Variants in NSD3 observed in about 807,000 individuals in gnomAD.
NSD3 encodes histone-lysine N-methyltransferase NSD3.
Under a neutral mutation model 160.8 loss-of-function variants are expected in NSD3, and 24 were observed. The ratio of observed to expected loss-of-function variants is 0.15; its 90% confidence interval spans 0.11 to 0.21. NSD3 has a LOEUF of 0.21. Ranked by LOEUF, NSD3 falls within the 10% of genes least tolerant of loss-of-function variation. The pLI is 1.00. For missense variants in NSD3, 1,157 were observed against 1,735.9 expected (o/e 0.67, Z 5.93); for synonymous variants, 520 against 600.0 (o/e 0.87, Z 1.95).
rs759593222 is a variant in NSD3, at chr8:38,318,782, C to A, written c.1855+113G>T. 6 of 1,017,730 alleles carry A rather than the reference C, an allele frequency of 5.9e-6. No homozygotes were observed. Among genetic ancestry groups the A allele is most frequent in the African/African-American group, 1.6e-5 (1 of 61,762 alleles). The allele number at this position is 1,017,730 out of a possible 1,614,324, so 63.0% of individuals were successfully genotyped here. ...CACTGGGGAATACTGCAATTTCACA[C>A]TGAAGAGCAACAACGATTTACAGAG... On this transcript the variant is annotated intron_variant, in intron 9 of 23. Coordinates refer to ENST00000317025, the MANE Select transcript of NSD3 (RefSeq NM_023034.2). The surrounding 1 kb of genome is among the most constrained non-coding windows in gnomAD (Gnocchi z 5.3).
At chr8:38,312,847 G>T (rs1039545262) in intron 12 of NSD3, among the ~76,000 whole-genome samples, 20 of 152,106 alleles carry the variant, frequency 1.3e-4, no homozygotes, top group Non-Finnish European at 7.4e-5. Context: ...AAATTACCCA[G>T]TCTCAGGTAT....
At position 38,312,312 on chromosome 8, in the gene NSD3, C is replaced by A. The variant is rs183424834; in HGVS notation, c.2242+2335G>T. Among the ~76,000 whole-genome samples the A allele has an allele frequency of 2.0e-5, 3 of 152,168 alleles. No homozygotes were observed. The East Asian group carries it at 5.8e-4, about 29-fold the overall frequency. Reference sequence around the variant, plus strand: ...ATCCCATACTTAACTGTTTTTAAAGCAAATTTCCCTCTTAAATTTTCTAAT... The same window carrying A: ...ATCCCATACTTAACTGTTTTTAAAGAAAATTTCCCTCTTAAATTTTCTAAT... On this transcript the variant is annotated intron_variant, in intron 12 of 23. Transcript: ENST00000317025.
chr8:38,352,492 A>G (rs1335693110), intron 1 of NSD3, among the ~76,000 whole-genome samples: 1 of 152,220 alleles, frequency 6.6e-6, no homozygotes, highest in Non-Finnish European at 1.5e-5. Context: ...GTTCATAGGT[A>G]AAAGAAAGTG....
rs1325635488 is a variant in NSD3 at position 38,288,497 on chromosome 8, C to T, written c.3491G>A (p.Ser1164Asn). 2 of 1,613,918 alleles carry T rather than the reference C, an allele frequency of 1.2e-6. No individual in the cohort carries two copies. The highest frequency in any genetic ancestry group is 2.7e-5 in the African/African-American group (2 of 75,034). ...ACCATCCCATGCTACCTTCTTAATG[C>T]TCCTTTTGGTCCTGAGGCCCCAGCC... is the stretch of plus-strand genomic sequence containing the variant. The part of the protein sequence containing the change: ...RRGWGLRTKR[S>N]IKKGEFVNEY... Residue 1164 changes from serine (S) to asparagine (N), a missense_variant, in exon 19 of 24, where the codon AGC becomes AAC. Coordinates refer to ENST00000317025, the MANE Select transcript of NSD3 (RefSeq NM_023034.2). This position sits in a 1 kb window ranked among gnomAD's most constrained non-coding sequence, Gnocchi z 4.5.
At chr8:38,347,424 A>C (rs1810562825) in intron 2 of NSD3, 73 bp downstream of exon 2, 21 of 1,491,778 alleles carry the variant, frequency 1.4e-5, no homozygotes, top group Non-Finnish European at 1.9e-5. Context: ...AGAGATAAAA[A>C]CCAAAAAGAT....
At chr8:38,380,295 T>A (rs1440493191) in intron 1 of NSD3, among the ~76,000 whole-genome samples, 2 of 152,208 alleles carry the variant, frequency 1.3e-5, no homozygotes, top group Non-Finnish European at 2.9e-5. Flanking sequence ...CATTTCTAAT[T>A]TTTCAACATT....
At chr8:38,314,890 C>A (rs977752659) in intron 11 of NSD3, 117 bp from the exon 12 acceptor site, 2 of 1,138,870 alleles carry the variant, frequency 1.8e-6, no homozygotes, top group African/African-American at 3.1e-5. Flanking sequence ...TTCAGTAGGT[C>A]TGGCGGGGGC....
intron 2 of NSD3, among the ~76,000 whole-genome samples, chr8:38,339,940 T>A (rs535837049): frequency 6.6e-6 from 1 of 152,290 alleles, no homozygotes; most frequent in African/African-American, 2.4e-5. Context: ...ACCAATATCT[T>A]CCAATTTTTT....
At chr8:38,275,957 C>A in intron 23 of NSD3, 75 bp from the exon 24 acceptor site, 1 of 1,317,010 alleles carries the variant, frequency 7.6e-7, no homozygotes. Flanking sequence ...ATGAAAAACC[C>A]AGGTTCCTTC....
chr8:38,298,019 T>G (rs562539974), intron 15 of NSD3, among the ~76,000 whole-genome samples: 1 of 152,078 alleles, frequency 6.6e-6, no homozygotes, highest in Non-Finnish European at 1.5e-5. Context: ...ATGATAAAGA[T>G]GCTTAAAATA....
intron 1 of NSD3, among the ~76,000 whole-genome samples, chr8:38,378,044 G>A (rs1247509367): frequency 6.6e-6 from 1 of 152,126 alleles, no homozygotes; most frequent in African/African-American, 2.4e-5. Flanking sequence ...GGACATACAA[G>A]AAACTTCAAG....
At chr8:38,354,977 A>G (rs1810788397) in intron 1 of NSD3, among the ~76,000 whole-genome samples, 1 of 152,166 alleles carries the variant, frequency 6.6e-6, no homozygotes, top group Non-Finnish European at 1.5e-5. Context: ...GTTCATAAAA[A>G]CAGATATTTT....
At chr8:38,286,702 T>C (rs1045629629) in intron 19 of NSD3, among the ~76,000 whole-genome samples, 1 of 152,194 alleles carries the variant, frequency 6.6e-6, no homozygotes, top group African/African-American at 2.4e-5. Context: ...ATCTAGCCAG[T>C]GGCTGACCTT....
At chr8:38,306,339 T>C (rs1809392842) in intron 12 of NSD3, among the ~76,000 whole-genome samples, 1 of 151,920 alleles carries the variant, frequency 6.6e-6, no homozygotes, top group African/African-American at 2.4e-5. Context: ...TTACGAACAA[T>C]GGCACAAAAA....
intron 1 of NSD3, among the ~76,000 whole-genome samples, chr8:38,369,898 G>A (rs1419568770): frequency 6.6e-6 from 1 of 152,066 alleles, no homozygotes; most frequent in Admixed American, 6.6e-5. Context: ...GGGTTCAAGC[G>A]ACTCTCCTGC....
Position 38,317,702 on chromosome 8 carries a change from T to C in NSD3, c.1855+1193A>G, listed in dbSNP as rs1458219158. ...CCATGTTGAAATTGATCAGTGTAAG[T>C]TAAATGGTGGTTTTTAGGCTGGACC... On this transcript the variant is annotated intron_variant, in intron 9 of 23. Transcript: ENST00000317025. The surrounding 1 kb of genome is among the most constrained non-coding windows in gnomAD (Gnocchi z 5.3). The C allele has an allele frequency of 3.0e-6, 4 of 1,337,706 alleles. No individual in the cohort carries two copies. Among genetic ancestry groups the C allele is most frequent in the Non-Finnish European group, 3.8e-6 (4 of 1,041,464 alleles). The allele number at this position is 1,337,706 out of a possible 1,614,324, so 82.9% of individuals were successfully genotyped here. A position where few individuals can be genotyped will look rare whatever the true frequency, so the allele number is the denominator to read the frequency against.
At chr8:38,320,940 G>T in intron 8 of NSD3, 132 bp downstream of exon 8, 2 of 771,884 alleles carry the variant, frequency 2.6e-6, no homozygotes, top group Non-Finnish European at 4.2e-6. Context: ...GAACCCACCA[G>T]GACAGAAGCG....
intron 16 of NSD3, among the ~76,000 whole-genome samples, chr8:38,294,708 T>A (rs1015304699): frequency 6.6e-6 from 1 of 152,132 alleles, no homozygotes; most frequent in Non-Finnish European, 1.5e-5. Context: ...CCAAGTGTGG[T>A]GGCTCATTCC....
At chr8:38,305,775 A>C (rs2131010321) in intron 12 of NSD3, among the ~76,000 whole-genome samples, 1 of 152,302 alleles carries the variant, frequency 6.6e-6, no homozygotes, top group Admixed American at 6.5e-5. Context: ...TAAATTACCA[A>C]AGGAAAGTCT....
Sources: allele counts gnomAD v4.1 joint callset (sites outside exome capture counted in the v4.1 genomes callset), GRCh38; gene constraint gnomAD v4.1.1; non-coding constraint Gnocchi (gnomAD v3.1); transcripts MANE v1.5; gene names NCBI Gene and HGNC (gene_info 2026-07-23, HGNC 2026-07-21).